Variants in NRG1 observed in about 807,000 individuals in gnomAD.
NRG1 encodes the protein neuregulin 1, also known as pro-neuregulin-1, membrane-bound isoform.
A neutral mutation model predicts 63.8 loss-of-function variants in NRG1; 18 were observed. The ratio of observed to expected loss-of-function variants is 0.28; its 90% CI spans 0.19 to 0.42. The LOEUF is 0.42. NRG1 is among the 10% of genes least tolerant of loss of function. The probability of loss-of-function intolerance (pLI) is 1.00; values close to 1 mark genes in which losing one functional copy is unlikely to be tolerated. For synonymous variants in NRG1, 302 were observed against 301.3 expected, an observed-to-expected ratio of 1.00 and a Z score of -0.02; for missense variants, 762 against 814.7, an observed-to-expected ratio of 0.94 and a Z score of 0.79.
chr8:32,150,029 A>G (rs1340439994), intron 1 of NRG1, among the ~76,000 whole-genome samples: 1 of 152,240 alleles, frequency 6.6e-6, no homozygotes, highest in Non-Finnish European at 1.5e-5. Context: ...TATTGATTGA[A>G]TTTATTAAAA....
intron 1 of NRG1, among the ~76,000 whole-genome samples, chr8:32,572,224 A>T (rs1838737280): frequency 6.6e-6 from 1 of 152,142 alleles, no homozygotes; most frequent in South Asian, 2.1e-4. Flanking sequence ...ATTTTCCTCC[A>T]TGTCTTAATT....
chr8:31,906,475 A>T (rs576287377), intron 1 of NRG1, among the ~76,000 whole-genome samples: 3 of 152,328 alleles, frequency 2.0e-5, no homozygotes, highest in Non-Finnish European at 2.9e-5. Flanking sequence ...ATCTCTTGCT[A>T]GAGTTCCCGA....
chr8:32,192,715 T>G (rs1452008777), intron 1 of NRG1, among the ~76,000 whole-genome samples: 1 of 152,110 alleles, frequency 6.6e-6, no homozygotes, highest in Non-Finnish European at 1.5e-5. Flanking sequence ...ACCCTGCACA[T>G]GTACCAATGA....
chr8:32,457,358 C>G (rs80321296), intron 1 of NRG1, among the ~76,000 whole-genome samples: 5,205 of 152,158 alleles, frequency 0.034, 299 homozygotes, highest in African/African-American at 0.12. Flanking sequence ...TGGCCTGATT[C>G]TTTTCTGTAA....
At chr8:32,231,840 A>G (rs1846982412) in intron 1 of NRG1, among the ~76,000 whole-genome samples, 1 of 150,504 alleles carries the variant, frequency 6.6e-6, no homozygotes, top group Admixed American at 6.6e-5. Context: ...GGCTGCAGTG[A>G]GCCGAGATCA....
intron 1 of NRG1, among the ~76,000 whole-genome samples, chr8:32,233,868 A>G (rs7812985): frequency 0.74 from 112,653 of 151,952 alleles, 42,884 homozygotes; most frequent in African/African-American, 0.91. Flanking sequence ...TCCAGCCTCA[A>G]AAGAATAGTA....
At chr8:31,834,789 C>T (rs1825542336) in intron 1 of NRG1, among the ~76,000 whole-genome samples, 1 of 152,188 alleles carries the variant, frequency 6.6e-6, no homozygotes, top group East Asian at 1.9e-4. Flanking sequence ...AATGGTTTAA[C>T]AACCTCAGTG....
chr8:32,613,476 A>G (rs1468523359), intron 3 of NRG1, among the ~76,000 whole-genome samples: 1 of 152,030 alleles, frequency 6.6e-6, no homozygotes, highest in Admixed American at 6.6e-5. Context: ...AAATGGCCAT[A>G]TCTGTATTTA....
intron 1 of NRG1, among the ~76,000 whole-genome samples, chr8:32,469,371 G>T (rs1823487218): frequency 6.6e-6 from 1 of 152,210 alleles, no homozygotes; most frequent in South Asian, 2.1e-4. Flanking sequence ...GGGACTGTCG[G>T]ACCTCAGGGG....
chr8:31,858,381 A>G (rs1040240563), intron 1 of NRG1, among the ~76,000 whole-genome samples: 3 of 152,180 alleles, frequency 2.0e-5, no homozygotes, highest in Non-Finnish European at 2.9e-5. Flanking sequence ...AAAATTGGAA[A>G]GGTGAAAAAG....
intron 1 of NRG1, among the ~76,000 whole-genome samples, chr8:32,368,779 G>T (rs1808419011): frequency 6.6e-6 from 1 of 151,984 alleles, no homozygotes; most frequent in African/African-American, 2.4e-5. Flanking sequence ...TTTACCCTCT[G>T]CCACCTTTGT....
intron 1 of NRG1, among the ~76,000 whole-genome samples, chr8:32,555,331 AAC>A (rs750141034): frequency 1.3e-5 from 2 of 152,218 alleles, no homozygotes; most frequent in African/African-American, 2.4e-5. Flanking sequence ...GATCTTTACT[AAC>A]ACATTTGTTT....
intron 1 of NRG1, among the ~76,000 whole-genome samples, chr8:31,716,918 A>G (rs1402077343): frequency 2.0e-5 from 3 of 152,202 alleles, no homozygotes; most frequent in Non-Finnish European, 2.9e-5. Flanking sequence ...TTCAGTCTCT[A>G]TTTCATGGGT....
At chr8:32,668,613 A>G (rs535152524) in intron 5 of NRG1, among the ~76,000 whole-genome samples, 1 of 152,284 alleles carries the variant, frequency 6.6e-6, no homozygotes, top group African/African-American at 2.4e-5. Flanking sequence ...TTTCCTGGTC[A>G]TATTTTAGCA....
Position 32,309,215 on chromosome 8 carries a change from G to A in NRG1, c.38-286613G>A, listed in dbSNP as rs530602828. On this transcript the variant is annotated intron_variant, in intron 1 of 10. Coordinates refer to the NRG1 transcript ENST00000519301. ...GGGTACCCTTGCCTTACCAGGGCGAGAAAATAGCCCTTAATTACCAGAGAC... is the reference window on the plus strand; with the variant it reads ...GGGTACCCTTGCCTTACCAGGGCGAAAAAATAGCCCTTAATTACCAGAGAC... Among the ~76,000 whole-genome samples the A allele has an allele frequency of 2.6e-5, 4 of 152,232 alleles. No homozygotes were observed. In the East Asian group the frequency reaches 5.8e-4, roughly 22 times the overall value.
chr8:32,502,507 C>G (rs1401924389), intron 1 of NRG1, among the ~76,000 whole-genome samples: 1 of 100,650 alleles, frequency 9.9e-6, no homozygotes, highest in African/African-American at 3.9e-5. Flanking sequence ...TCCTAGCCAG[C>G]GTGGCCACAC....
At chr8:31,650,363 A>G (rs1040039033) in intron 1 of NRG1, among the ~76,000 whole-genome samples, 1 of 152,104 alleles carries the variant, frequency 6.6e-6, no homozygotes, top group Non-Finnish European at 1.5e-5. Context: ...TCAACATTCA[A>G]TATCCTCCTT....
intron 1 of NRG1, among the ~76,000 whole-genome samples, chr8:31,801,786 C>T (rs144572681): frequency 1.1e-3 from 165 of 152,244 alleles, no homozygotes; most frequent in Middle Eastern, 6.8e-3. Flanking sequence ...TCATATTGCT[C>T]AATATCAGAC....
chr8:31,899,445 C>T (rs1831884162), intron 1 of NRG1, among the ~76,000 whole-genome samples: 1 of 151,908 alleles, frequency 6.6e-6, no homozygotes, highest in African/African-American at 2.4e-5. Context: ...AATTTTCATC[C>T]GTTGGCCAAG....
Sources: allele counts gnomAD v4.1 joint callset (sites outside exome capture counted in the v4.1 genomes callset), GRCh38; gene constraint gnomAD v4.1.1; transcripts MANE v1.5; gene names NCBI Gene and HGNC (gene_info 2026-07-23, HGNC 2026-07-21).